ZNF595: variants seen among roughly 807,000 people sequenced by gnomAD.
The protein encoded by ZNF595 is zinc finger protein 595.
In ZNF595, 9 loss-of-function variants were observed where a neutral mutation model predicts 19.4. The ratio of observed to expected loss-of-function variants is 0.46; its 90% CI spans 0.28 to 0.81. The LOEUF (loss-of-function observed/expected upper bound fraction) is 0.81. Ranked by LOEUF, ZNF595 falls within the 30% of genes least tolerant of loss-of-function variation. ZNF595 has a pLI of 0.11. For synonymous variants in ZNF595, 255 were observed against 255.9 expected, an observed-to-expected ratio of 1.00 and a Z score of 0.03; for missense variants, 729 against 736.0, an observed-to-expected ratio of 0.99 and a Z score of 0.11.
chr4:83,131 T>C (rs1581387758), intron 3 of ZNF595, among the ~76,000 whole-genome samples: 1 of 152,182 alleles, frequency 6.6e-6, no homozygotes, highest in Non-Finnish European at 1.5e-5. Flanking sequence ...ATTTTTAATA[T>C]AGTTTATGTT....
In ZNF595 at chr4:87,598, C is replaced by A; in HGVS notation, c.*147C>A. ...ACATAGTATGTGTATCTATTCATGG[C>A]TTATTTGGATTATTTTGATACAGGC... On this transcript the variant is annotated 3_prime_UTR_variant, in exon 4 of 4. Transcript: ENST00000610261. 1.6e-6 allele frequency: 1 copy of A among 631,520 alleles called. No individual in the cohort carries two copies. Among genetic ancestry groups the A allele is most frequent in the Non-Finnish European group, 2.5e-6 (1 of 406,246 alleles). The allele number at this position is 631,520 out of a possible 1,614,324, so 39.1% of individuals were successfully genotyped here. A position where few individuals can be genotyped will look rare whatever the true frequency, so the allele number is the denominator to read the frequency against.
intron 3 of ZNF595, among the ~76,000 whole-genome samples, chr4:84,842 C>T (rs917303623): frequency 6.6e-6 from 1 of 151,870 alleles, no homozygotes; most frequent in Non-Finnish European, 1.5e-5. Flanking sequence ...GTATGTGTTC[C>T]CCTTTAGCTC....
rs1581372736 is a variant in ZNF595, at chr4:70,253, AT to A, written c.226+10106del. ...TGAGTCTCTAATCCATTTTGATTTA[AT>A]TTTTTATATGGCCAGAGATAGGGGT... is the stretch of plus-strand genomic sequence containing the variant. On this transcript the variant is annotated intron_variant, in intron 3 of 3. Coordinates refer to ENST00000610261, the MANE Select transcript of ZNF595 (RefSeq NM_182524.4). 2.6e-5 allele frequency among the ~76,000 whole-genome samples: 4 copies of A among 151,862 alleles called. No homozygotes were observed. In the East Asian group the frequency reaches 7.7e-4, roughly 29 times the overall value.
chr4:77,161 C>T (rs1316485874), intron 3 of ZNF595, among the ~76,000 whole-genome samples: 2 of 150,632 alleles, frequency 1.3e-5, no homozygotes, highest in African/African-American at 4.9e-5. Flanking sequence ...TAGGAACTGT[C>T]AAATGACTTA....
chr4:80,096 C>T (rs986891132), intron 3 of ZNF595, among the ~76,000 whole-genome samples: 1 of 152,098 alleles, frequency 6.6e-6, no homozygotes, highest in Admixed American at 6.5e-5. Flanking sequence ...GATCTCAGCT[C>T]ACTGCAACCT....
chr4:87,509 A>G lies in ZNF595; in HGVS notation c.*58A>G. 2 of 1,390,182 alleles carry G rather than the reference A, an allele frequency of 1.4e-6. No homozygotes were observed. 86.1% of individuals were successfully genotyped at this position (1,390,182 alleles called of 1,614,324 possible). On this transcript the variant is annotated 3_prime_UTR_variant, in exon 4 of 4. Transcript: ENST00000610261. ...CTTTACACAGCAAATAAATTGGAGAATATTGCTCCCATATAAACTTGTATT... is the reference window on the plus strand; with the variant it reads ...CTTTACACAGCAAATAAATTGGAGAGTATTGCTCCCATATAAACTTGTATT...
chr4:78,805 T>G (rs115024455), intron 3 of ZNF595, among the ~76,000 whole-genome samples: 2,077 of 152,310 alleles, frequency 0.014, 54 homozygotes, highest in African/African-American at 0.047. Context: ...CGCAGCCTCC[T>G]GCATCAGCCT....
Position 86,086 on chromosome 4 carries a change from T to C in ZNF595, c.582T>C (p.His194=). ...MSHLTQHTGI[H]AGEKPYKCEK... Reference sequence around the variant, plus strand: ...ACCTAACTCAACATACAGGAATTCATGCTGGAGAGAAACCCTACAAATGTG... The same window carrying C: ...ACCTAACTCAACATACAGGAATTCACGCTGGAGAGAAACCCTACAAATGTG... The change falls in exon 4 of 4, where the codon CAT becomes CAC. Residue 194 remains histidine (H), a synonymous_variant. Coordinates refer to ENST00000610261, the MANE Select transcript of ZNF595 (RefSeq NM_182524.4). 6.2e-7 allele frequency: 1 copy of C among 1,613,500 alleles called. No individual in the cohort carries two copies. The highest frequency in any genetic ancestry group is 1.7e-5 in the Admixed American group (1 of 59,890).
intron 3 of ZNF595, among the ~76,000 whole-genome samples, chr4:69,777 G>T (rs1713350769): frequency 2.0e-5 from 3 of 152,144 alleles, no homozygotes; most frequent in Admixed American, 6.5e-5. Flanking sequence ...AACTTGATGT[G>T]ATTCCATTTG....
intron 3 of ZNF595, chr4:67,891 CTTTTT>C: frequency 2.2e-6 from 1 of 462,642 alleles, no homozygotes; most frequent in Non-Finnish European, 3.7e-6. Context: ...AGGATTGCTT[CTTTTT>C]TTTTTTTTGA....
At chr4:84,066 C>A (rs1183278314) in intron 3 of ZNF595, among the ~76,000 whole-genome samples, 1 of 151,948 alleles carries the variant, frequency 6.6e-6, no homozygotes, top group Non-Finnish European at 1.5e-5. Context: ...ACATTTTAAA[C>A]TGGTTATTTC....
In ZNF595 at chr4:86,660, CAT is replaced by C; in HGVS notation, c.1158_1159del (p.His386GlnfsTer13). On this transcript the variant is annotated frameshift_variant, in exon 4 of 4. Transcript: ENST00000610261. LOFTEE classifies it high-confidence loss of function. The stretch of plus-strand genomic sequence containing the variant: ...TACTTGGTCCTCATCCCTTAATAAA[CAT>C]AAGAGAATTCATACTGGAGAGAAAC... Reference protein sequence around the residue: ...AFTWSSSLNKHKRIHTGEKPY... With the variant: ...AFTWSSSLNKXKRIHTGEKPY... The C allele has an allele frequency of 6.2e-7, 1 of 1,613,468 alleles. No individual in the cohort carries two copies. Among genetic ancestry groups the C allele is most frequent in the Non-Finnish European group, 8.5e-7 (1 of 1,179,802 alleles).
intron 3 of ZNF595, among the ~76,000 whole-genome samples, chr4:82,372 G>GTTTTTTTTT (rs34932652): frequency 1.0e-4 from 9 of 85,938 alleles, no homozygotes; most frequent in African/African-American, 1.7e-4. Context: ...TTGGTTTGTG[G>GTTTTTTTTT]TTTTTTTTTT....
chr4:87,520 A>T lies in ZNF595; in HGVS notation c.*69A>T. ...AAATAAATTGGAGAATATTGCTCCC[A>T]TATAAACTTGTATTATTTTTCTTAT... On this transcript the variant is annotated 3_prime_UTR_variant, in exon 4 of 4. Transcript: ENST00000610261. 1 of 1,327,654 alleles carries T rather than the reference A, an allele frequency of 7.5e-7. No homozygotes were observed. Among genetic ancestry groups the T allele is most frequent in the Admixed American group, 3.1e-5 (1 of 31,930 alleles). 82.2% of individuals were successfully genotyped at this position (1,327,654 alleles called of 1,614,324 possible).
chr4:75,847 A>G (rs1278749201), intron 3 of ZNF595, among the ~76,000 whole-genome samples: 2 of 150,764 alleles, frequency 1.3e-5, no homozygotes. Context: ...AGAGACTTAC[A>G]TAAAACATCT....
chr4:76,383 AT>A (rs1713661236), intron 3 of ZNF595, among the ~76,000 whole-genome samples: 3 of 152,110 alleles, frequency 2.0e-5, no homozygotes, highest in Admixed American at 2.0e-4. Context: ...ACTTTACATA[AT>A]TTTTTATATT....
Position 86,391 on chromosome 4 carries a change from C to T in ZNF595, c.887C>T (p.Ser296Phe). The change falls in exon 4 of 4, where the codon TCC becomes TTC. Residue 296 changes from serine to phenylalanine, a missense_variant. This residue lies in a region of ZNF595 where 729 missense variants were observed against 675.3 expected (regional missense o/e 1.08). Transcript: ENST00000610261. Reference protein sequence around the residue: ...CKECGKAFRWSTSLNEHKNIH... With the variant: ...CKECGKAFRWFTSLNEHKNIH... ...GAATGTGGCAAAGCCTTTAGATGGT[C>T]CACAAGCCTGAATGAACATAAGAAT... The T allele has an allele frequency of 1.9e-6, 3 of 1,613,310 alleles. No homozygotes were observed. Among genetic ancestry groups the T allele is most frequent in the Non-Finnish European group, 2.5e-6 (3 of 1,179,622 alleles).
At chr4:79,566 G>C (rs1713817049) in intron 3 of ZNF595, among the ~76,000 whole-genome samples, 2 of 151,980 alleles carry the variant, frequency 1.3e-5, no homozygotes, top group Non-Finnish European at 2.9e-5. Context: ...TGGGCTCACT[G>C]GATACTTTGA....
intron 3 of ZNF595, among the ~76,000 whole-genome samples, chr4:76,391 T>TATTGTATACCCATTAACA: frequency 6.6e-6 from 1 of 152,190 alleles, no homozygotes; most frequent in South Asian, 2.1e-4. Flanking sequence ...TAATTTTTTA[T>TATTGTATACCCATTAACA]ATTGTATACC....
Sources: gnomAD v4.1 joint callset for allele counts (sites outside exome capture counted in the v4.1 genomes callset) on GRCh38, gnomAD v4.1.1 for gene constraint, gnomAD v4.1.1 regional missense constraint, MANE v1.5 for transcripts, NCBI Gene and HGNC (gene_info 2026-07-23, HGNC 2026-07-21) for gene names.